SPATA6L: variants seen among roughly 807,000 people sequenced by gnomAD.
SPATA6L encodes the protein spermatogenesis associated 6-like protein.
In SPATA6L, 68 loss-of-function variants were observed where a neutral mutation model predicts 49.2. The observed-to-expected ratio is 1.38, with a 90% CI of 1.14 to 1.69. The LOEUF is 1.69. Ranked by LOEUF, SPATA6L falls within the 40% of genes most tolerant of loss-of-function variation. The pLI, the probability that SPATA6L is intolerant of heterozygous loss-of-function variation, is 0.00. For synonymous variants in SPATA6L, 198 were observed against 165.7 expected (o/e 1.19, Z -1.50); for missense variants, 668 against 464.3 (o/e 1.44, Z -4.03).
chr9:4,625,210 G>A (rs1830109113), intron 6 of SPATA6L, 117 bp downstream of exon 6: 2 of 1,431,514 alleles, frequency 1.4e-6, no homozygotes, highest in Admixed American at 2.6e-5. Flanking sequence ...TATTCAATTT[G>A]AAGTACCTTT....
chr9:4,638,621 C>T (rs1225456819), intron 3 of SPATA6L, among the ~76,000 whole-genome samples: 1 of 152,124 alleles, frequency 6.6e-6, no homozygotes, highest in African/African-American at 2.4e-5. Flanking sequence ...ATAATCCTCC[C>T]ACCCTTGTTG....
intron 5 of SPATA6L, chr9:4,626,414 T>C (rs1830360578): frequency 2.3e-6 from 3 of 1,303,642 alleles, no homozygotes; most frequent in Non-Finnish European, 3.0e-6. Flanking sequence ...TTCCAGCTCA[T>C]CCAAGTCCCA....
rs1389695160 is a variant in SPATA6L at position 4,661,915 on chromosome 9, C to T, written c.161G>A (p.Ser54Asn). The change falls in exon 2 of 12, where the codon AGC (serine) becomes AAC (asparagine). Residue 54 changes from serine (S) to asparagine (N), a missense_variant. By Grantham distance (46) the Ser-to-Asn change is conservative (BLOSUM62 1). Coordinates refer to ENST00000682582, the MANE Select transcript of SPATA6L (RefSeq NM_001353486.2). ...CAAGATCACCTTTTCAAATCTCATG[C>T]TCTCCTGAATCATAATGGGGAACGC... ...PSAFPIMIQE[S>N]MRFEKVFESA... 2 of 1,613,778 alleles carry T rather than the reference C, an allele frequency of 1.2e-6. No homozygotes were observed. The highest frequency in any genetic ancestry group is 1.7e-5 in the Admixed American group (1 of 60,010).
intron 3 of SPATA6L, among the ~76,000 whole-genome samples, chr9:4,635,859 G>C (rs1022090900): frequency 2.0e-5 from 3 of 152,140 alleles, no homozygotes; most frequent in African/African-American, 7.2e-5. Context: ...TTCTCAGCAG[G>C]GGTACCAACC....
At chr9:4,634,244 T>G (rs1053284512) in intron 4 of SPATA6L, among the ~76,000 whole-genome samples, 7 of 152,330 alleles carry the variant, frequency 4.6e-5, no homozygotes, top group Admixed American at 3.9e-4. Flanking sequence ...TTTTATCTTC[T>G]GAAGAGCAAT....
chr9:4,618,576 T>C (rs1828553575), intron 8 of SPATA6L, among the ~76,000 whole-genome samples: 1 of 152,188 alleles, frequency 6.6e-6, no homozygotes, highest in African/African-American at 2.4e-5. Flanking sequence ...TGTATAAAAT[T>C]ATTTGATTAG....
intron 13 of SPATA6L, among the ~76,000 whole-genome samples, chr9:4,592,160 C>T (rs1821943810): frequency 6.6e-6 from 1 of 151,874 alleles, no homozygotes; most frequent in African/African-American, 2.4e-5. Context: ...ACTAAAAATA[C>T]AAAAATTAGC....
chr9:4,595,403 C>T (rs376898407), downstream of SPATA6L, among the ~76,000 whole-genome samples: 1 of 152,138 alleles, frequency 6.6e-6, no homozygotes, highest in Non-Finnish European at 1.5e-5. Context: ...GTCAGAGTCT[C>T]CCCACCGCCA....
In SPATA6L at chr9:4,666,291, T is replaced by G; in HGVS notation, c.-41A>C. ...CGAAAGGACTGGAATGAGAAGATCC[T>G]TTTGTGCCGAGCCTTGGACCAATTT... On this transcript the variant is annotated 5_prime_UTR_variant, in exon 1 of 12. Transcript: ENST00000682582. 6.2e-7 allele frequency: 1 copy of G among 1,612,742 alleles called. No homozygotes were observed. The highest frequency in any genetic ancestry group is 8.5e-7 in the Non-Finnish European group (1 of 1,178,834).
chr9:4,662,700 A>G lies in SPATA6L; in HGVS notation c.40-664T>C, dbSNP rs752226928. ...CATCGCCCTGCGCTCCCTGCTGGCC[A>G]TCGACCTGTGGCTGTCCAAGAAGCT... On this transcript the variant is annotated intron_variant, in intron 1 of 11. Transcript: ENST00000682582. The surrounding 1 kb of genome is among the most constrained non-coding windows in gnomAD (Gnocchi z 4.9). 6.2e-7 allele frequency: 1 copy of G among 1,601,492 alleles called. No individual in the cohort carries two copies. Among genetic ancestry groups the G allele is most frequent in the Non-Finnish European group, 8.5e-7 (1 of 1,179,868 alleles).
intron 10 of SPATA6L, among the ~76,000 whole-genome samples, 159 bp from the exon 11 acceptor site, chr9:4,604,428 T>C (rs1236291738): frequency 6.6e-6 from 1 of 152,138 alleles, no homozygotes; most frequent in Non-Finnish European, 1.5e-5. Flanking sequence ...TTTCTTTTTT[T>C]GTAGAGACGA....
chr9:4,622,386 G>C (rs768337529), intron 7 of SPATA6L, 22 bp downstream of exon 7: 4 of 1,432,062 alleles, frequency 2.8e-6, no homozygotes, highest in Non-Finnish European at 3.9e-6. Context: ...AAATGTACAG[G>C]AGTAACAAGA....
At chr9:4,602,354 C>A (rs1317437130) in intron 11 of SPATA6L, among the ~76,000 whole-genome samples, 1 of 152,062 alleles carries the variant, frequency 6.6e-6, no homozygotes, top group African/African-American at 2.4e-5. Flanking sequence ...GGCCCAGAAT[C>A]CGTCCTTTAA....
chr9:4,662,516 C>T lies in SPATA6L; in HGVS notation c.40-480G>A. On this transcript the variant is annotated intron_variant, in intron 1 of 11. Transcript: ENST00000682582. This position sits in a 1 kb window ranked among gnomAD's most constrained non-coding sequence, Gnocchi z 4.9. ...AGTTCCAGTCCCTGCTCAGCAGCCG[C>T]GCCACGGCCGTGGACCCCACCTGCG... The T allele has an allele frequency of 6.4e-7, 1 of 1,559,824 alleles. No homozygotes were observed. The highest frequency in any genetic ancestry group is 8.6e-7 in the Non-Finnish European group (1 of 1,162,260).
At chr9:4,659,045 C>T (rs932667080) in intron 2 of SPATA6L, among the ~76,000 whole-genome samples, 1 of 151,860 alleles carries the variant, frequency 6.6e-6, no homozygotes, top group Admixed American at 6.6e-5. Flanking sequence ...TGCACTTTTA[C>T]CACCAACTTT....
At chr9:4,630,210 C>T (rs141909068) in intron 4 of SPATA6L, among the ~76,000 whole-genome samples, 1 of 152,054 alleles carries the variant, frequency 6.6e-6, no homozygotes, top group African/African-American at 2.4e-5. Flanking sequence ...TGTTCTACAT[C>T]CTGCTCGTAG....
chr9:4,646,670 T>A, intron 3 of SPATA6L: 1 of 413,952 alleles, frequency 2.4e-6, no homozygotes, highest in East Asian at 3.7e-5. Context: ...CAAACCAACA[T>A]CAAATCAGGT....
chr9:4,662,515 G>T lies in SPATA6L; in HGVS notation c.40-479C>A. ...GAGTTCCAGTCCCTGCTCAGCAGCCGCGCCACGGCCGTGGACCCCACCTGC... is the reference window on the plus strand; with the variant it reads ...GAGTTCCAGTCCCTGCTCAGCAGCCTCGCCACGGCCGTGGACCCCACCTGC... On this transcript the variant is annotated intron_variant, in intron 1 of 11. Coordinates refer to ENST00000682582, the MANE Select transcript of SPATA6L (RefSeq NM_001353486.2). This position sits in a 1 kb window ranked among gnomAD's most constrained non-coding sequence, Gnocchi z 4.9. 1 of 1,559,990 alleles carries T rather than the reference G, an allele frequency of 6.4e-7. No homozygotes were observed. Among genetic ancestry groups the T allele is most frequent in the South Asian group, 1.2e-5 (1 of 85,164 alleles).
chr9:4,596,729 T>C (rs889926264), downstream of SPATA6L, among the ~76,000 whole-genome samples: 1 of 152,208 alleles, frequency 6.6e-6, no homozygotes, highest in Non-Finnish European at 1.5e-5. Flanking sequence ...TGAAATGTTC[T>C]GAGTTCATGT....
Sources: allele counts gnomAD v4.1 joint callset (sites outside exome capture counted in the v4.1 genomes callset), GRCh38; gene constraint gnomAD v4.1.1; non-coding constraint Gnocchi (gnomAD v3.1); transcripts MANE v1.5; gene names NCBI Gene and HGNC (gene_info 2026-07-23, HGNC 2026-07-21).